TMEM59L: variants seen among roughly 807,000 people sequenced by gnomAD.
TMEM59L encodes the protein transmembrane protein 59 like, also known as transmembrane protein 59-like.
Under a neutral mutation model 39.6 loss-of-function variants are expected in TMEM59L, and 31 were observed. The ratio of observed to expected loss-of-function variants is 0.78; its 90% CI spans 0.59 to 1.06. The LOEUF (loss-of-function observed/expected upper bound fraction) is 1.06. TMEM59L is among the 50% of genes least tolerant of loss of function. The pLI, the probability that TMEM59L is intolerant of heterozygous loss-of-function variation, is 0.00. For missense variants in TMEM59L, 441 were observed against 451.3 expected (o/e 0.98, Z 0.21); for synonymous variants, 219 against 202.9 (o/e 1.08, Z -0.68).
chr19:18,612,984 C>T lies in TMEM59L; in HGVS notation c.26C>T (p.Pro9Leu), dbSNP rs1322468925. 13 of 1,353,402 alleles carry T rather than the reference C, an allele frequency of 9.6e-6. No individual in the cohort carries two copies. The Admixed American group carries it at 1.5e-4, about 15-fold the overall frequency. 83.8% of individuals were successfully genotyped at this position (1,353,402 alleles called of 1,614,324 possible). ...ATGGCTGCGGTGGCGCTGATGCCACCGCCGCTGCTGCTGCTGCTGCTGTTG... is the reference window on the plus strand; with the variant it reads ...ATGGCTGCGGTGGCGCTGATGCCACTGCCGCTGCTGCTGCTGCTGCTGTTG... MAAVALMP[P>L]PLLLLLLLAS... The change falls in exon 1 of 8, where the codon CCG becomes CTG. Residue 9 changes from proline to leucine, a missense_variant. Physicochemically the swap from Pro to Leu is moderately conservative, Grantham distance 98 (BLOSUM62 -3). Coordinates refer to ENST00000262817, the MANE Select transcript of TMEM59L (RefSeq NM_012109.3). This position sits in a 1 kb window ranked among gnomAD's most constrained non-coding sequence, Gnocchi z 6.2.
chr19:18,617,010 T>C lies in TMEM59L; in HGVS notation c.572T>C (p.Ile191Thr), dbSNP rs756850613. The change falls in exon 5 of 8, where the codon ATA becomes ACA. Residue 191 changes from isoleucine (I) to threonine (T), a missense_variant. Physicochemically the swap from Ile to Thr is moderately conservative, Grantham distance 89. Coordinates refer to ENST00000262817, the MANE Select transcript of TMEM59L (RefSeq NM_012109.3). Reference protein sequence around the residue: ...GKVVVFQTQPIVESLGFQGGR... With the variant: ...GKVVVFQTQPTVESLGFQGGR... ...TTGTTCCTGGCCCAGACTCAGCCCA[T>C]AGTGGAGAGCCTCGGCTTCCAGGGG... 8 of 1,610,726 alleles carry C rather than the reference T, an allele frequency of 5.0e-6. No individual in the cohort carries two copies. The highest frequency in any genetic ancestry group is 5.9e-6 in the Non-Finnish European group (7 of 1,178,364).
intron 1 of TMEM59L, 120 bp downstream of exon 1, chr19:18,613,249 A>C: frequency 4.5e-6 from 2 of 442,036 alleles, no homozygotes; most frequent in Non-Finnish European, 3.0e-6. Context: ...GTCCGTGGGG[A>C]GGTGGGGGTC....
At chr19:18,617,991 G>A (rs1976449894) in intron 5 of TMEM59L, 164 bp from the exon 6 acceptor site, 2 of 678,202 alleles carry the variant, frequency 2.9e-6, no homozygotes, top group Non-Finnish European at 5.3e-6. Context: ...CATCTCCCAG[G>A]GTTCCATGGT....
intron 7 of TMEM59L, among the ~76,000 whole-genome samples, 171 bp downstream of exon 7, chr19:18,618,663 GTGTGTGTGTGTATA>G (rs1401190965): frequency 2.3e-5 from 3 of 129,742 alleles, no homozygotes; most frequent in East Asian, 5.5e-4. Flanking sequence ...GTGTGTGTGT[GTGTGTGTGTGTATA>G]TATATATATA....
intron 7 of TMEM59L, 99 bp downstream of exon 7, chr19:18,618,591 C>A: frequency 9.5e-7 from 1 of 1,054,238 alleles, no homozygotes; most frequent in Non-Finnish European, 1.4e-6. Context: ...CCCATGGAGG[C>A]CAGGACCTCA....
chr19:18,618,700 A>G (rs537518496), intron 7 of TMEM59L, among the ~76,000 whole-genome samples: 1 of 111,616 alleles, frequency 9.0e-6, no homozygotes. Context: ...ATATATATAT[A>G]TATATTTTTT....
In TMEM59L at chr19:18,620,435, T is replaced by C; in HGVS notation, c.928T>C (p.Phe310Leu). The change falls in exon 8 of 8, where the codon TTC (phenylalanine) becomes CTC (leucine). Residue 310 changes from phenylalanine to leucine, a missense_variant. By Grantham distance (22) the Phe-to-Leu change is conservative (BLOSUM62 0). Coordinates refer to ENST00000262817, the MANE Select transcript of TMEM59L (RefSeq NM_012109.3). ...TCTGACCCTGGAGCAGCACAAGGGC[T>C]TCATGATGGAGCCCGATTGGCCCCT... Reference protein sequence around the residue: ...QPLTLEQHKGFMMEPDWPLYP... With the variant: ...QPLTLEQHKGLMMEPDWPLYP... The C allele has an allele frequency of 6.2e-7, 1 of 1,613,390 alleles. No homozygotes were observed. The highest frequency in any genetic ancestry group is 8.5e-7 in the Non-Finnish European group (1 of 1,179,946).
intron 5 of TMEM59L, chr19:18,617,312 C>T (rs1240510163): frequency 1.5e-6 from 1 of 661,688 alleles, no homozygotes; most frequent in Non-Finnish European, 2.8e-6. Context: ...GTTCCGTGGT[C>T]TACTTCCCAG....
At position 18,613,991 on chromosome 19, in the gene TMEM59L, TG is replaced by T; in HGVS notation, c.292del (p.Ala98ProfsTer15). 2 of 1,613,318 alleles carry T rather than the reference TG, an allele frequency of 1.2e-6. No individual in the cohort carries two copies. The highest frequency in any genetic ancestry group is 8.5e-7 in the Non-Finnish European group (1 of 1,179,978). On this transcript the variant is annotated frameshift_variant, in exon 2 of 8. Coordinates refer to ENST00000262817, the MANE Select transcript of TMEM59L (RefSeq NM_012109.3). LOFTEE classifies it high-confidence loss of function. ...TTGTGGCCAGAAGCTCCAAGCCCAA[TG>T]CCACCCAAACTGAGTGTGAAGCAGG... ...RFVARSSKPN[A>X]TQTECEAACV...
At position 18,616,068 on chromosome 19, in the gene TMEM59L, G is replaced by C. The variant is rs1340235665; in HGVS notation, c.502G>C (p.Val168Leu). 2 of 1,614,022 alleles carry C rather than the reference G, an allele frequency of 1.2e-6. No individual in the cohort carries two copies. The highest frequency in any genetic ancestry group is 1.7e-6 in the Non-Finnish European group (2 of 1,180,020). ...NDLVNSAQGF[V>L]SSTWTYYLQT... is the part of the protein sequence containing the mutation. ...CCTTGTCAACTCAGCCCAGGGATTTGTCTCCTCCACCTGGACATACTACTT... is the reference window on the plus strand; with the variant it reads ...CCTTGTCAACTCAGCCCAGGGATTTCTCTCCTCCACCTGGACATACTACTT... Residue 168 changes from valine to leucine, a missense_variant, in exon 4 of 8, where the codon GTC (valine) becomes CTC (leucine). By Grantham distance (32) the Val-to-Leu change is conservative. Coordinates refer to ENST00000262817, the MANE Select transcript of TMEM59L (RefSeq NM_012109.3).
intron 7 of TMEM59L, 81 bp downstream of exon 7, chr19:18,618,573 C>CTCCATGGGAGCAGGTGGCCAA: frequency 7.5e-7 from 1 of 1,341,832 alleles, no homozygotes; most frequent in Non-Finnish European, 1.0e-6. Context: ...TGGATTTGGC[C>CTCCATGGGAGCAGGTGGCCAA]ACCTGCTCCC....
chr19:18,614,149 G>T lies in TMEM59L; in HGVS notation c.362G>T (p.Ser121Ile). 1 of 1,609,546 alleles carries T rather than the reference G, an allele frequency of 6.2e-7. No homozygotes were observed. Among genetic ancestry groups the T allele is most frequent in the Non-Finnish European group, 8.5e-7 (1 of 1,178,968 alleles). ...AAGGAGGCAGAGCAGCAGGCCTGTAGCCACGGCTGCTGGAGCCAGCCCGCG... is the reference window on the plus strand; with the variant it reads ...AAGGAGGCAGAGCAGCAGGCCTGTATCCACGGCTGCTGGAGCCAGCCCGCG... Reference protein sequence around the residue: ...YVKEAEQQACSHGCWSQPAEP... With the variant: ...YVKEAEQQACIHGCWSQPAEP... Residue 121 changes from serine to isoleucine, a missense_variant, in exon 3 of 8, where the codon AGC becomes ATC. Coordinates refer to ENST00000262817, the MANE Select transcript of TMEM59L (RefSeq NM_012109.3).
Position 18,616,723 on chromosome 19 carries a change from C to T in TMEM59L, c.562-277C>T, listed in dbSNP as rs190446164. On this transcript the variant is annotated intron_variant, in intron 4 of 7. Coordinates refer to ENST00000262817, the MANE Select transcript of TMEM59L (RefSeq NM_012109.3). ...GGGGTTTTAACTGAGCTGGGATTTA[C>T]TCTGATTGGCCCTGGCTGGATCATA... Among the ~76,000 whole-genome samples the T allele has an allele frequency of 4.6e-5, 7 of 152,282 alleles. No individual in the cohort carries two copies. The East Asian group carries it at 1.4e-3, about 29-fold the overall frequency.
At chr19:18,617,407 C>T (rs1976442118) in intron 5 of TMEM59L, 1 of 510,570 alleles carries the variant, frequency 2.0e-6, no homozygotes, top group Admixed American at 2.3e-5. Context: ...GGCCCACCTC[C>T]CGGGTTCCGT....
rs1976456519 is a variant in TMEM59L, at chr19:18,618,479, A to T, written c.887A>T (p.His296Leu). 1 of 1,602,860 alleles carries T rather than the reference A, an allele frequency of 6.2e-7. No homozygotes were observed. The highest frequency in any genetic ancestry group is 1.1e-5 in the South Asian group (1 of 89,138). ...ACCCTGGTGACCGCGCCTGGCCAGCACCTCAAGTTCCAGGTGGGTGGGATC... is the reference window on the plus strand; with the variant it reads ...ACCCTGGTGACCGCGCCTGGCCAGCTCCTCAAGTTCCAGGTGGGTGGGATC... Reference protein sequence around the residue: ...CSTLVTAPGQHLKFQPLTLEQ... With the variant: ...CSTLVTAPGQLLKFQPLTLEQ... The change falls in exon 7 of 8, where the codon CAC becomes CTC. Residue 296 changes from histidine to leucine, a missense_variant. Transcript: ENST00000262817.
chr19:18,619,530 C>T lies in TMEM59L; in HGVS notation c.901-878C>T, dbSNP rs369896022. On this transcript the variant is annotated intron_variant, in intron 7 of 7. Coordinates refer to ENST00000262817, the MANE Select transcript of TMEM59L (RefSeq NM_012109.3). Reference sequence around the variant, plus strand: ...TAAAAATTAGCTAGATGTGGCTGGGCATGGTGGCCCATGCCTGTAATCCCA... The same window carrying T: ...TAAAAATTAGCTAGATGTGGCTGGGTATGGTGGCCCATGCCTGTAATCCCA... Among the ~76,000 whole-genome samples the T allele has an allele frequency of 1.1e-3, 164 of 152,250 alleles. 2 individuals are homozygous for T. Among genetic ancestry groups the T allele is most frequent in the African/African-American group, 3.6e-3 (148 of 41,572 alleles).
intron 7 of TMEM59L, 28 bp downstream of exon 7, chr19:18,618,520 G>T: frequency 6.3e-7 from 1 of 1,585,766 alleles, no homozygotes; most frequent in Non-Finnish European, 8.6e-7. Flanking sequence ...ATGGCGCTGG[G>T]CCGAGGGAGG....
Position 18,613,075 on chromosome 19 carries a change from G to A in TMEM59L, c.117G>A (p.Thr39=). 1.5e-6 allele frequency: 2 copies of A among 1,366,876 alleles called. No homozygotes were observed. The highest frequency in any genetic ancestry group is 1.7e-5 in the South Asian group (1 of 58,228). The allele number at this position is 1,366,876 out of a possible 1,614,324, so 84.7% of individuals were successfully genotyped here. ...CCTTCGCCCCCCAGCTCGGGGACAC[G>A]CAGAACTGCCAGCTGCGGTGCCGCG... ...RDPFAPQLGD[T]QNCQLRCRDR... The change falls in exon 1 of 8, where the codon ACG becomes ACA. Residue 39 remains threonine, a synonymous_variant. Coordinates refer to ENST00000262817, the MANE Select transcript of TMEM59L (RefSeq NM_012109.3).
Position 18,617,041 on chromosome 19 carries a change from T to C in TMEM59L, c.603T>C (p.Arg201=), listed in dbSNP as rs925005572. The part of the protein sequence containing the change: ...IVESLGFQGG[R]LQRVEVTWRG... ...AGAGCCTCGGCTTCCAGGGGGGCCG[T>C]CTGCAGCGCGTGGAGGTGACCTGGC... is the stretch of plus-strand genomic sequence containing the variant. The change falls in exon 5 of 8, where the codon CGT becomes CGC. Residue 201 remains arginine (R), a synonymous_variant. Transcript: ENST00000262817. The C allele has an allele frequency of 1.9e-6, 3 of 1,613,078 alleles. No homozygotes were observed. Among genetic ancestry groups the C allele is most frequent in the Admixed American group, 1.7e-5 (1 of 59,994 alleles).
Sources: allele counts gnomAD v4.1 joint callset (sites outside exome capture counted in the v4.1 genomes callset), GRCh38; gene constraint gnomAD v4.1.1; non-coding constraint Gnocchi (gnomAD v3.1); transcripts MANE v1.5; gene names NCBI Gene and HGNC (gene_info 2026-07-23, HGNC 2026-07-21).